Variants in HDAC9 observed in about 807,000 individuals in gnomAD.
The protein encoded by HDAC9 is histone deacetylase 9, also known as MEF-2 interacting transcription repressor (MITR) protein.
HDAC9 carries 41 observed loss-of-function variants against 139.4 expected under a neutral mutation model. That is an observed-to-expected ratio of 0.29 (90% CI 0.23 to 0.38). HDAC9 has a LOEUF of 0.38. Among genes scored for constraint, HDAC9 ranks in the 10% least tolerant of loss-of-function variants. The pLI is 1.00. For missense variants in HDAC9, 1,147 were observed against 1,297.0 expected (o/e 0.88, Z 1.78); for synonymous variants, 517 against 476.2 (o/e 1.09, Z -1.12).
rs368239452 is a variant in HDAC9, at chr7:18,448,705, A to G, written c.-41-47557A>G. ...TGGAAGAGACTCCTTTCAAAAATAT[A>G]TTGCAAAAATGGTACAAATTAATTT... On this transcript the variant is annotated intron_variant, in intron 1 of 3. Transcript: ENST00000413509. Among the ~76,000 whole-genome samples the G allele has an allele frequency of 3.3e-5, 5 of 152,272 alleles. No individual in the cohort carries two copies. In the East Asian group the frequency reaches 7.7e-4, roughly 24 times the overall value.
At chr7:18,306,692 A>G (rs1798935277) in intron 1 of HDAC9, among the ~76,000 whole-genome samples, 2 of 152,160 alleles carry the variant, frequency 1.3e-5, no homozygotes, top group Non-Finnish European at 2.9e-5. Flanking sequence ...TTGGATGGAT[A>G]TTCATGCTGG....
In HDAC9 at chr7:18,601,520, G is replaced by A. The variant is rs142864447; in HGVS notation, c.664+7491G>A. Among the ~76,000 whole-genome samples the A allele has an allele frequency of 1.6e-3, 239 of 151,822 alleles. 3 individuals carry two copies. The highest frequency in any genetic ancestry group is 5.1e-3 in the African/African-American group (212 of 41,380). ...ACATTCAGAATGATGTTGAGATGTC[G>A]AGCAGGAGAAGTAAAAGGGGACATC... On this transcript the variant is annotated intron_variant, in intron 6 of 25. Coordinates refer to ENST00000686413, the MANE Select transcript of HDAC9 (RefSeq NM_178425.4).
At chr7:18,834,737 C>T (rs995066627) in intron 19 of HDAC9, among the ~76,000 whole-genome samples, 19 of 152,104 alleles carry the variant, frequency 1.2e-4, no homozygotes, top group Non-Finnish European at 2.8e-4. Context: ...CTTGTGTTAC[C>T]GTTTTATCAA....
chr7:18,508,017 A>C (rs1303390985), intron 2 of HDAC9, among the ~76,000 whole-genome samples: 2 of 152,208 alleles, frequency 1.3e-5, no homozygotes, highest in African/African-American at 4.8e-5. Context: ...GGGGTGAAAG[A>C]GTCATTTATC....
At chr7:18,104,002 A>G (rs1783024730) in intron 1 of HDAC9, among the ~76,000 whole-genome samples, 2 of 152,134 alleles carry the variant, frequency 1.3e-5, no homozygotes, top group African/African-American at 4.8e-5. Flanking sequence ...GGGAACACTC[A>G]TACCCACCCA....
intron 22 of HDAC9, among the ~76,000 whole-genome samples, chr7:18,925,391 T>C (rs1585324045): frequency 6.6e-6 from 1 of 152,158 alleles, no homozygotes; most frequent in East Asian, 1.9e-4. Context: ...TGCCTGGTTA[T>C]ATTAGGTCTC....
At chr7:18,858,465 G>A (rs1354917769) in intron 21 of HDAC9, among the ~76,000 whole-genome samples, 1 of 152,120 alleles carries the variant, frequency 6.6e-6, no homozygotes, top group African/African-American at 2.4e-5. Flanking sequence ...CACAGGAACA[G>A]GATAGGGGAA....
intron 11 of HDAC9, among the ~76,000 whole-genome samples, chr7:18,664,228 T>G (rs1794114736): frequency 6.6e-6 from 1 of 152,154 alleles, no homozygotes; most frequent in Non-Finnish European, 1.5e-5. Flanking sequence ...TAAAGTCATC[T>G]AAACCATGAG....
chr7:18,305,764 T>C (rs1193085279), intron 1 of HDAC9, among the ~76,000 whole-genome samples: 2 of 148,918 alleles, frequency 1.3e-5, no homozygotes, highest in Non-Finnish European at 2.9e-5. Context: ...CCATGTAATA[T>C]AGAGTGAGTA....
chr7:18,974,708 A>T (rs931404856), intron 24 of HDAC9, among the ~76,000 whole-genome samples: 1 of 152,196 alleles, frequency 6.6e-6, no homozygotes, highest in African/African-American at 2.4e-5. Flanking sequence ...CTGTTCCTCT[A>T]TGAAACAGTA....
chr7:18,639,954 C>T lies in HDAC9; in HGVS notation c.913-4717C>T, dbSNP rs183672186. ...AGTATAAGACACTTAGGCCAGACTTCGTTTCACAAGTCCAGGCTGCTCCTC... is the reference window on the plus strand; with the variant it reads ...AGTATAAGACACTTAGGCCAGACTTTGTTTCACAAGTCCAGGCTGCTCCTC... On this transcript the variant is annotated intron_variant, in intron 8 of 25. Coordinates refer to ENST00000686413, the MANE Select transcript of HDAC9 (RefSeq NM_178425.4). Among the ~76,000 whole-genome samples the T allele has an allele frequency of 1.9e-4, 29 of 152,078 alleles. No individual in the cohort carries two copies. The East Asian group carries it at 5.4e-3, about 29-fold the overall frequency.
chr7:18,522,114 T>G (rs1805240476), intron 2 of HDAC9, among the ~76,000 whole-genome samples: 1 of 152,144 alleles, frequency 6.6e-6, no homozygotes, highest in African/African-American at 2.4e-5. Context: ...AGACCAAAAT[T>G]AACACCGCGA....
chr7:18,594,000 C>T lies in HDAC9; in HGVS notation c.635C>T (p.Ala212Val), dbSNP rs201268507. The T allele has an allele frequency of 1.2e-6, 2 of 1,612,696 alleles. No individual in the cohort carries two copies. The highest frequency in any genetic ancestry group is 1.7e-6 in the Non-Finnish European group (2 of 1,179,006). Residue 212 changes from alanine to valine, a missense_variant, in exon 6 of 26, where the codon GCA (alanine) becomes GTA (valine). Coordinates refer to ENST00000686413, the MANE Select transcript of HDAC9 (RefSeq NM_178425.4). ...YKYTLPGAQD[A>V]KDDFPLRKTA... is the part of the protein sequence containing the mutation. The stretch of plus-strand genomic sequence containing the variant: ...TACACATTACCAGGAGCACAAGATG[C>T]AAAGGATGATTTCCCCCTTCGAAAA...
At chr7:18,245,128 G>A (rs302144) in intron 2 of HDAC9, among the ~76,000 whole-genome samples, 5,745 of 152,228 alleles carry the variant, frequency 0.038, 149 homozygotes, top group African/African-American at 0.061. Context: ...GCTTAGGCAT[G>A]TGGGGCCAAT....
At chr7:18,927,129 T>C (rs1015261808) in intron 22 of HDAC9, among the ~76,000 whole-genome samples, 3 of 152,158 alleles carry the variant, frequency 2.0e-5, no homozygotes, top group African/African-American at 7.2e-5. Context: ...GTTATTAAGG[T>C]GATACTTTAA....
intron 22 of HDAC9, among the ~76,000 whole-genome samples, chr7:18,933,785 A>G (rs1185089090): frequency 6.6e-6 from 1 of 152,172 alleles, no homozygotes; most frequent in Non-Finnish European, 1.5e-5. Flanking sequence ...AAATAAAAAC[A>G]TAAACAAGGA....
At chr7:18,970,168 C>T (rs1484531507) in intron 24 of HDAC9, among the ~76,000 whole-genome samples, 1 of 151,966 alleles carries the variant, frequency 6.6e-6, no homozygotes, top group East Asian at 1.9e-4. Context: ...GTATTTAGAC[C>T]CCGTTGAAAC....
At chr7:18,626,299 T>TC (rs1192314488) in intron 6 of HDAC9, among the ~76,000 whole-genome samples, 2 of 152,000 alleles carry the variant, frequency 1.3e-5, no homozygotes, top group African/African-American at 4.8e-5. Flanking sequence ...GGCCTCTCCC[T>TC]CCTCCTTAAT....
At chr7:18,756,925 C>T (rs192763631) in intron 14 of HDAC9, among the ~76,000 whole-genome samples, 5 of 151,578 alleles carry the variant, frequency 3.3e-5, no homozygotes, top group African/African-American at 7.3e-5. Flanking sequence ...GGTTATTACA[C>T]GAGGAGGGTT....
Sources: gnomAD v4.1 joint callset for allele counts (sites outside exome capture counted in the v4.1 genomes callset) on GRCh38, gnomAD v4.1.1 for gene constraint, MANE v1.5 for transcripts, NCBI Gene and HGNC (gene_info 2026-07-23, HGNC 2026-07-21) for gene names.